FLI1: variants seen among roughly 807,000 people sequenced by gnomAD.
FLI1 encodes Friend leukemia integration 1 transcription factor.
Under a neutral mutation model 53.1 loss-of-function variants are expected in FLI1, and 13 were observed. The observed-to-expected ratio is 0.24, with a 90% confidence interval of 0.16 to 0.39. The LOEUF is 0.39. Among genes scored for constraint, FLI1 ranks in the 10% least tolerant of loss-of-function variants. FLI1 has a pLI of 1.00. For missense variants in FLI1, 424 were observed against 600.5 expected (o/e 0.71, Z 3.07); for synonymous variants, 244 against 236.7 (o/e 1.03, Z -0.28).
Position 128,751,360 on chromosome 11 carries a change from T to C in FLI1, c.19-6755T>C, listed in dbSNP as rs1940636298. Among the ~76,000 whole-genome samples the C allele has an allele frequency of 3.5e-5, 3 of 86,444 alleles. 1 individual carries two copies. The South Asian group carries it at 1.5e-3, about 42-fold the overall frequency. The allele number at this position is 86,444 out of a possible 152,430, so 56.7% of individuals were successfully genotyped here. A position where few individuals can be genotyped will look rare whatever the true frequency, so the allele number is the denominator to read the frequency against. ...GCCTTCATTAAAATTTTTTTTAACTTTTTTTTTTTTTTTGAGACACTGTCT... is the reference window on the plus strand; with the variant it reads ...GCCTTCATTAAAATTTTTTTTAACTCTTTTTTTTTTTTTGAGACACTGTCT... On this transcript the variant is annotated intron_variant, in intron 1 of 8. Coordinates refer to ENST00000527786, the MANE Select transcript of FLI1 (RefSeq NM_002017.5).
At position 128,781,467 on chromosome 11, in the gene FLI1, G is replaced by C. The variant is rs556163099; in HGVS notation, c.590-491G>C. ...GACTGTGCAACAGAGATTGTAGTTA[G>C]CCTATGAAGCCAAAATATTTACTAT... On this transcript the variant is annotated intron_variant, in intron 4 of 8. Coordinates refer to ENST00000527786, the MANE Select transcript of FLI1 (RefSeq NM_002017.5). Among the ~76,000 whole-genome samples the C allele has an allele frequency of 4.6e-5, 7 of 152,336 alleles. No homozygotes were observed. The East Asian group carries it at 1.2e-3, about 25-fold the overall frequency.
chr11:128,755,051 G>A lies in FLI1; in HGVS notation c.19-3064G>A, dbSNP rs79682549. Reference sequence around the variant, plus strand: ...CTCTCCTGGGTCTGCCTCCAGAACCGCTGGCTTTGTGTTCTCTGTGTATTC... The same window carrying A: ...CTCTCCTGGGTCTGCCTCCAGAACCACTGGCTTTGTGTTCTCTGTGTATTC... On this transcript the variant is annotated intron_variant, in intron 1 of 8. Coordinates refer to ENST00000527786, the MANE Select transcript of FLI1 (RefSeq NM_002017.5). 6.8e-3 allele frequency among the ~76,000 whole-genome samples: 1,038 copies of A among 152,186 alleles called. 13 individuals are homozygous for A. Among genetic ancestry groups the A allele is most frequent in the African/African-American group, 0.023 (972 of 41,510 alleles).
intron 1 of FLI1, among the ~76,000 whole-genome samples, chr11:128,723,495 C>A (rs1229112759): frequency 3.3e-5 from 5 of 152,094 alleles, no homozygotes; most frequent in African/African-American, 1.2e-4. Flanking sequence ...AGGATGGAGA[C>A]ATTCCAGAAA....
At chr11:128,771,074 C>A (rs1345579671) in intron 3 of FLI1, among the ~76,000 whole-genome samples, 2 of 152,180 alleles carry the variant, frequency 1.3e-5, no homozygotes, top group African/African-American at 2.4e-5. Context: ...AGCGATGGGG[C>A]TTTGGGCAAA....
At chr11:128,690,155 C>G (rs1937676512), upstream of FLI1, among the ~76,000 whole-genome samples, 1 of 152,186 alleles carries the variant, frequency 6.6e-6, no homozygotes, top group Non-Finnish European at 1.5e-5. Context: ...TAATTATGGC[C>G]TCGAGCGAGA....
chr11:128,740,942 C>T (rs944091487), intron 1 of FLI1, among the ~76,000 whole-genome samples: 1 of 152,136 alleles, frequency 6.6e-6, no homozygotes, highest in Non-Finnish European at 1.5e-5. Flanking sequence ...ACAGAGATCC[C>T]GTTCTCATGC....
intron 5 of FLI1, among the ~76,000 whole-genome samples, chr11:128,796,744 G>A (rs753469364): frequency 3.3e-5 from 5 of 152,224 alleles, no homozygotes; most frequent in Non-Finnish European, 5.9e-5. Context: ...GGAGGCTGAG[G>A]TGAGTGGATC....
At chr11:128,727,996 T>A (rs924102404) in intron 1 of FLI1, among the ~76,000 whole-genome samples, 4 of 152,210 alleles carry the variant, frequency 2.6e-5, no homozygotes, top group Non-Finnish European at 4.4e-5. Context: ...CCACTTCCCC[T>A]CAGGCCAGTT....
chr11:128,708,822 C>T (rs1333148569), intron 1 of FLI1, among the ~76,000 whole-genome samples: 5 of 152,184 alleles, frequency 3.3e-5, no homozygotes, highest in Non-Finnish European at 7.3e-5. Context: ...AAAGAAAGAG[C>T]ACCCGCCCCG....
At chr11:128,745,770 G>C (rs1940358034) in intron 1 of FLI1, among the ~76,000 whole-genome samples, 1 of 152,214 alleles carries the variant, frequency 6.6e-6, no homozygotes. Context: ...GGACGTCCTT[G>C]CTTCGCAAGG....
chr11:128,751,022 G>A (rs1940620443), intron 1 of FLI1, among the ~76,000 whole-genome samples: 1 of 152,134 alleles, frequency 6.6e-6, no homozygotes, highest in African/African-American at 2.4e-5. Context: ...ATGTAACAGA[G>A]CCTTATCTAT....
chr11:128,733,476 C>T (rs2135757613), intron 1 of FLI1, among the ~76,000 whole-genome samples: 2 of 152,348 alleles, frequency 1.3e-5, no homozygotes, highest in Middle Eastern at 6.8e-3. Flanking sequence ...CTTCCCCTCA[C>T]TCTTTAGAAC....
At chr11:128,780,030 T>C (rs963186483) in intron 4 of FLI1, among the ~76,000 whole-genome samples, 2 of 152,248 alleles carry the variant, frequency 1.3e-5, no homozygotes, top group African/African-American at 2.4e-5. Context: ...CGTTGTCGTA[T>C]ATGTGGTCCA....
chr11:128,766,613 G>T (rs12293965), intron 2 of FLI1, among the ~76,000 whole-genome samples: 1 of 151,638 alleles, frequency 6.6e-6, no homozygotes, highest in Non-Finnish European at 1.5e-5. Context: ...AGGCCTCCCC[G>T]CCCTGCCTGG....
At chr11:128,796,380 C>A (rs896559423) in intron 5 of FLI1, among the ~76,000 whole-genome samples, 1 of 152,150 alleles carries the variant, frequency 6.6e-6, no homozygotes, top group Non-Finnish European at 1.5e-5. Context: ...TAGAGAGAGG[C>A]AGTTTTTTGC....
intron 5 of FLI1, among the ~76,000 whole-genome samples, chr11:128,791,558 T>C (rs1942272576): frequency 6.6e-6 from 1 of 152,228 alleles, no homozygotes. Flanking sequence ...GACTATTGGA[T>C]GGATGGATGA....
chr11:128,800,092 C>T (rs1023068097), intron 5 of FLI1, among the ~76,000 whole-genome samples: 3 of 152,126 alleles, frequency 2.0e-5, no homozygotes, highest in South Asian at 2.1e-4. Context: ...TCAGGTCTGC[C>T]ATTGATTTGA....
At chr11:128,798,942 G>A (rs967091529) in intron 5 of FLI1, among the ~76,000 whole-genome samples, 33 of 152,106 alleles carry the variant, frequency 2.2e-4, no homozygotes, top group African/African-American at 7.7e-4. Context: ...TCTGTCTTCT[G>A]GGGTGGGGTT....
chr11:128,777,828 T>C (rs1397203071), intron 4 of FLI1, among the ~76,000 whole-genome samples: 1 of 136,946 alleles, frequency 7.3e-6, no homozygotes, highest in Non-Finnish European at 1.7e-5. Context: ...GCTTTGGCAC[T>C]GGGACGCTTG....
Sources: allele counts gnomAD v4.1 joint callset (sites outside exome capture counted in the v4.1 genomes callset), GRCh38; gene constraint gnomAD v4.1.1; transcripts MANE v1.5; gene names NCBI Gene and HGNC (gene_info 2026-07-23, HGNC 2026-07-21).